The following PDGFC variants were observed in gnomAD, a reference collection of about 807,000 sequenced individuals.
PDGFC encodes platelet-derived growth factor C.
Under a neutral mutation model 35.5 loss-of-function variants are expected in PDGFC, and 12 were observed. The ratio of observed to expected loss-of-function variants is 0.34; its 90% CI spans 0.22 to 0.55. The LOEUF (loss-of-function observed/expected upper bound fraction) is 0.55. PDGFC is among the 20% of genes least tolerant of loss of function. The probability of loss-of-function intolerance (pLI) is 0.91; values close to 1 mark genes in which losing one functional copy is unlikely to be tolerated. For missense variants in PDGFC, 322 were observed against 412.4 expected, an observed-to-expected ratio of 0.78 and a Z score of 1.90; for synonymous variants, 159 against 148.8, an observed-to-expected ratio of 1.07 and a Z score of -0.50.
intron 3 of PDGFC, among the ~76,000 whole-genome samples, chr4:156,807,496 T>A (rs2110933983): frequency 6.6e-6 from 1 of 152,152 alleles, no homozygotes. Context: ...TTTATTCAAA[T>A]GAACAAGTCA....
chr4:156,863,730 G>A (rs937932668), intron 1 of PDGFC, among the ~76,000 whole-genome samples: 6 of 151,912 alleles, frequency 3.9e-5, no homozygotes, highest in Admixed American at 6.6e-5. Flanking sequence ...TATAAATACC[G>A]TTCCCGAATT....
chr4:156,877,927 T>C (rs914375467), intron 1 of PDGFC, among the ~76,000 whole-genome samples: 2 of 152,114 alleles, frequency 1.3e-5, no homozygotes, highest in African/African-American at 4.8e-5. Flanking sequence ...CTCACCCCTT[T>C]TCTAATATGC....
intron 2 of PDGFC, among the ~76,000 whole-genome samples, chr4:156,820,994 T>C (rs924350618): frequency 6.6e-6 from 1 of 152,068 alleles, no homozygotes; most frequent in East Asian, 1.9e-4. Flanking sequence ...AAAGTTGTAA[T>C]AGATACAGAA....
intron 2 of PDGFC, among the ~76,000 whole-genome samples, chr4:156,836,757 A>G (rs1490056136): frequency 1.3e-5 from 2 of 152,224 alleles, no homozygotes; most frequent in East Asian, 3.9e-4. Flanking sequence ...ACTTTGTTAA[A>G]TGTTAATTTA....
chr4:156,863,636 T>C (rs1729768640), intron 1 of PDGFC, among the ~76,000 whole-genome samples: 1 of 152,138 alleles, frequency 6.6e-6, no homozygotes, highest in Non-Finnish European at 1.5e-5. Context: ...AAGAGACATC[T>C]TTACCAATTA....
intron 1 of PDGFC, among the ~76,000 whole-genome samples, chr4:156,893,699 GA>G (rs1255479896): frequency 6.6e-6 from 1 of 151,760 alleles, no homozygotes; most frequent in African/African-American, 2.4e-5. Flanking sequence ...CTTATGCAAG[GA>G]CAATTACTGC....
At chr4:156,771,402 C>CAGAT (rs1468807093) in intron 4 of PDGFC, among the ~76,000 whole-genome samples, 1 of 152,144 alleles carries the variant, frequency 6.6e-6, no homozygotes, top group Non-Finnish European at 1.5e-5. Context: ...GCTAGTCTTG[C>CAGAT]AGATCTTCAT....
intron 3 of PDGFC, among the ~76,000 whole-genome samples, chr4:156,805,108 C>T (rs1382532950): frequency 6.6e-6 from 1 of 151,954 alleles, no homozygotes; most frequent in East Asian, 1.9e-4. Flanking sequence ...TGAAAGAGAG[C>T]ATTGTGCCCA....
At chr4:156,766,049 C>A (rs866941546) in intron 5 of PDGFC, among the ~76,000 whole-genome samples, 2 of 152,130 alleles carry the variant, frequency 1.3e-5, no homozygotes, top group Middle Eastern at 3.2e-3. Flanking sequence ...ACTGGGATGT[C>A]TAGCTTTGGA....
rs74522350 is a variant in PDGFC at position 156,798,621 on chromosome 4, A to C, written c.495+12216T>G. On this transcript the variant is annotated intron_variant, in intron 3 of 5. Transcript: ENST00000502773. ...CATCATATTCCAAAAAGAAAGGAAAATATTGGTGTCAGAAAGCTTGAGATG... is the reference window on the plus strand; with the variant it reads ...CATCATATTCCAAAAAGAAAGGAAACTATTGGTGTCAGAAAGCTTGAGATG... Among the ~76,000 whole-genome samples the C allele has an allele frequency of 1.3e-3, 204 of 152,286 alleles. 3 individuals are homozygous for C. The East Asian group carries it at 0.017, about 13-fold the overall frequency.
chr4:156,899,287 A>G (rs1730710071), intron 1 of PDGFC, among the ~76,000 whole-genome samples: 1 of 152,198 alleles, frequency 6.6e-6, no homozygotes, highest in Admixed American at 6.5e-5. Flanking sequence ...TGTACAGGAT[A>G]ATATGTGTAG....
At chr4:156,904,797 A>G (rs989206179) in intron 1 of PDGFC, among the ~76,000 whole-genome samples, 1 of 152,044 alleles carries the variant, frequency 6.6e-6, no homozygotes, top group East Asian at 1.9e-4. Context: ...TTTGGCACTC[A>G]TTACCAACTG....
At chr4:156,793,439 T>G (rs539563929) in intron 3 of PDGFC, among the ~76,000 whole-genome samples, 1 of 150,588 alleles carries the variant, frequency 6.6e-6, no homozygotes, top group Non-Finnish European at 1.5e-5. Context: ...AGTTGTGAAA[T>G]CAATTTAGTG....
intron 1 of PDGFC, among the ~76,000 whole-genome samples, chr4:156,914,754 T>C (rs994770867): frequency 7.2e-5 from 11 of 152,092 alleles, no homozygotes; most frequent in Non-Finnish European, 2.9e-5. Flanking sequence ...AGTCTCAAAA[T>C]CAGCCAGAGA....
intron 1 of PDGFC, among the ~76,000 whole-genome samples, chr4:156,964,531 T>C (rs1348733782): frequency 6.6e-6 from 1 of 151,398 alleles, no homozygotes; most frequent in Non-Finnish European, 1.5e-5. Context: ...ATTATGAGAT[T>C]GTTTCCCTTA....
chr4:156,847,466 C>G (rs965101197), intron 2 of PDGFC, among the ~76,000 whole-genome samples: 2 of 151,588 alleles, frequency 1.3e-5, no homozygotes, highest in Non-Finnish European at 3.0e-5. Context: ...TCATGAGACA[C>G]AAGGAAAGAG....
intron 1 of PDGFC, among the ~76,000 whole-genome samples, chr4:156,893,178 AG>A (rs1256241012): frequency 2.0e-5 from 3 of 152,206 alleles, no homozygotes; most frequent in Non-Finnish European, 4.4e-5. Flanking sequence ...AATGAAAAAA[AG>A]GAAGGTTAAG....
chr4:156,884,219 C>G (rs1730322380), intron 1 of PDGFC, among the ~76,000 whole-genome samples: 1 of 152,178 alleles, frequency 6.6e-6, no homozygotes. Flanking sequence ...TCTTACCTGA[C>G]TTCCTTCTTT....
In PDGFC at chr4:156,931,080, T is replaced by G. The variant is rs1045942418; in HGVS notation, c.118+39706A>C. Reference sequence around the variant, plus strand: ...AGGGGATGGAGGGTAGCCAGCCAAGTGTGGAATGCAGTAAAATCATTCTGA... The same window carrying G: ...AGGGGATGGAGGGTAGCCAGCCAAGGGTGGAATGCAGTAAAATCATTCTGA... On this transcript the variant is annotated intron_variant, in intron 1 of 5. Transcript: ENST00000502773. Among the ~76,000 whole-genome samples, 33 of 152,026 alleles carry G rather than the reference T, an allele frequency of 2.2e-4. 1 individual carries two copies. The highest frequency in any genetic ancestry group is 4.4e-5 in the Non-Finnish European group (3 of 68,018).
Sources: allele counts gnomAD v4.1 joint callset (sites outside exome capture counted in the v4.1 genomes callset), GRCh38; gene constraint gnomAD v4.1.1; transcripts MANE v1.5; gene names NCBI Gene and HGNC (gene_info 2026-07-23, HGNC 2026-07-21).